The following TRAF3IP2 variants were observed in gnomAD, a reference collection of about 807,000 sequenced individuals.
TRAF3IP2 encodes E3 ubiquitin ligase TRAF3IP2.
In TRAF3IP2, 35 loss-of-function variants were observed where a neutral mutation model predicts 57.9. The observed-to-expected ratio is 0.60, with a 90% CI of 0.46 to 0.80. The LOEUF is 0.80. Among genes scored for constraint, TRAF3IP2 ranks in the 30% least tolerant of loss-of-function variants. The pLI is 0.00. For missense variants in TRAF3IP2, 556 were observed against 706.4 expected, an observed-to-expected ratio of 0.79 and a Z score of 2.41; for synonymous variants, 251 against 268.9, an observed-to-expected ratio of 0.93 and a Z score of 0.65.
Position 111,558,059 on chromosome 6 carries a change from A to C in TRAF3IP2, c.*1346T>G, listed in dbSNP as rs1795305982. On this transcript the variant is annotated 3_prime_UTR_variant, in exon 9 of 9. Coordinates refer to ENST00000368761, the MANE Select transcript of TRAF3IP2 (RefSeq NM_147686.4). ...AAGAAGAAAATGTCTCTGTTAAGAAAATGTAAATTTGTCCTCTGAGAGACA... is the reference window on the plus strand; with the variant it reads ...AAGAAGAAAATGTCTCTGTTAAGAACATGTAAATTTGTCCTCTGAGAGACA... 6.6e-6 allele frequency: 1 copy of C among 152,124 alleles called. No homozygotes were observed. Among genetic ancestry groups the C allele is most frequent in the Non-Finnish European group, 1.5e-5 (1 of 68,024 alleles). The allele number at this position is 152,124 out of a possible 1,614,324, so 9.4% of individuals were successfully genotyped here.
intron 1 of TRAF3IP2, among the ~76,000 whole-genome samples, chr6:111,595,875 A>G (rs1321042591): frequency 6.6e-6 from 1 of 152,030 alleles, no homozygotes; most frequent in Non-Finnish European, 1.5e-5. Flanking sequence ...AATCACAGTA[A>G]TTTCTGAAGA....
intron 1 of TRAF3IP2, chr6:111,601,326 T>C (rs1472804949): frequency 1.6e-6 from 1 of 625,070 alleles, no homozygotes; most frequent in Non-Finnish European, 3.0e-6. Flanking sequence ...CATCTTGATT[T>C]GAGAAAAGCA....
At chr6:111,572,694 C>T (rs769311649) in intron 5 of TRAF3IP2, 13 of 575,530 alleles carry the variant, frequency 2.3e-5, no homozygotes, top group Non-Finnish European at 3.7e-5. Context: ...AAACAGCATA[C>T]AGGAAAAAAA....
chr6:111,597,569 T>C (rs1365647643), intron 1 of TRAF3IP2, among the ~76,000 whole-genome samples: 1 of 152,254 alleles, frequency 6.6e-6, no homozygotes, highest in Non-Finnish European at 1.5e-5. Flanking sequence ...ATGGCAGTTT[T>C]ATCTGTTTTG....
intron 3 of TRAF3IP2, chr6:111,576,368 C>T (rs1795986469): frequency 6.6e-6 from 1 of 152,410 alleles, no homozygotes; most frequent in African/African-American, 2.4e-5. Flanking sequence ...CCAGTATTCC[C>T]ACGAGCATTC....
At chr6:111,579,148 G>A (rs1298390677) in intron 3 of TRAF3IP2, among the ~76,000 whole-genome samples, 3 of 150,718 alleles carry the variant, frequency 2.0e-5, no homozygotes, top group African/African-American at 5.0e-5. Flanking sequence ...GGCCTATATG[G>A]TGAAACCCCG....
chr6:111,591,888 G>C lies in TRAF3IP2; in HGVS notation c.199C>G (p.Leu67Val), dbSNP rs1562433804. The change falls in exon 2 of 9, where the codon CTG becomes GTG. Residue 67 changes from leucine to valine, a missense_variant. Physicochemically the swap from Leu to Val is conservative, Grantham distance 32 (BLOSUM62 1). Around this residue, in one of 2 missense-constraint regions of TRAF3IP2, gnomAD observed 428 missense variants for 498.7 expected, o/e 0.86. Transcript: ENST00000368761. The surrounding 1 kb of genome is among the most constrained non-coding windows in gnomAD (Gnocchi z 4.9). ...GGCCGCTGGTGATTTGCAAGTTTCA[G>C]GGTTGAGTGAGCTTGAGAAAAGTCT... ...SGDFSQAHST[L>V]KLANHQRPVS... 3.1e-6 allele frequency: 5 copies of C among 1,614,110 alleles called. No individual in the cohort carries two copies. Among genetic ancestry groups the C allele is most frequent in the Middle Eastern group, 3.3e-4 (2 of 6,084 alleles).
At chr6:111,565,023 C>T (rs979844546) in intron 7 of TRAF3IP2, among the ~76,000 whole-genome samples, 1 of 152,302 alleles carries the variant, frequency 6.6e-6, no homozygotes, top group Middle Eastern at 3.4e-3. Context: ...CTTTCCGGGG[C>T]ACTGTACAAG....
chr6:111,582,153 TTTGGGTGACCTGGC>T (rs1304090225), intron 2 of TRAF3IP2, among the ~76,000 whole-genome samples: 1 of 152,140 alleles, frequency 6.6e-6, no homozygotes, highest in Non-Finnish European at 1.5e-5. Context: ...CAGGAAACTG[TTTGGGTGACCTGGC>T]GATGTGCCCA....
Position 111,567,365 on chromosome 6 carries a change from G to A in TRAF3IP2, c.1359+259C>T, listed in dbSNP as rs528401416. The A allele has an allele frequency of 8.0e-5, 97 of 1,212,638 alleles. No homozygotes were observed. The South Asian group carries it at 1.3e-3, about 16-fold the overall frequency. The allele number at this position is 1,212,638 out of a possible 1,614,324, so 75.1% of individuals were successfully genotyped here. ...CTTCATTTCCTTCTTTCCTATTCTC[G>A]TCAAAAGATTGTTTCCTCTGATTGT... is the stretch of plus-strand genomic sequence containing the variant. On this transcript the variant is annotated intron_variant, in intron 6 of 8. Transcript: ENST00000368761.
chr6:111,597,820 T>C (rs988784089), intron 1 of TRAF3IP2: 1 of 455,850 alleles, frequency 2.2e-6, no homozygotes, highest in African/African-American at 2.0e-5. Flanking sequence ...TTTTTCTGTT[T>C]TTCCTTTTTT....
chr6:111,559,581 G>A, intron 8 of TRAF3IP2, 30 bp from the exon 9 acceptor site: 4 of 1,605,574 alleles, frequency 2.5e-6, no homozygotes, highest in Non-Finnish European at 3.4e-6. Context: ...AGGAGCAAAG[G>A]TCATTAGAGA....
intron 5 of TRAF3IP2, among the ~76,000 whole-genome samples, chr6:111,569,007 A>C (rs1795743511): frequency 3.9e-5 from 6 of 152,202 alleles, no homozygotes; most frequent in Admixed American, 3.9e-4. Context: ...ACCTGATGCT[A>C]AGCCTCCTAC....
intron 1 of TRAF3IP2, among the ~76,000 whole-genome samples, chr6:111,603,869 AT>A (rs1796948533): frequency 6.6e-6 from 1 of 152,222 alleles, no homozygotes; most frequent in Admixed American, 6.5e-5. Context: ...TACATTATCC[AT>A]CTTTTGATGC....
chr6:111,564,842 G>A lies in TRAF3IP2; in HGVS notation c.1476+1602C>T, dbSNP rs577288944. The stretch of plus-strand genomic sequence containing the variant: ...TTCCTTAGGAACTGGCTGAGGCCTC[G>A]AGCCCTTCCCACGCACCAGCTGTCA... On this transcript the variant is annotated intron_variant, in intron 7 of 8. Coordinates refer to ENST00000368761, the MANE Select transcript of TRAF3IP2 (RefSeq NM_147686.4). 3.9e-5 allele frequency among the ~76,000 whole-genome samples: 6 copies of A among 152,272 alleles called. No homozygotes were observed. The South Asian group carries it at 8.3e-4, about 21-fold the overall frequency.
chr6:111,604,006 G>A (rs1380597473), intron 1 of TRAF3IP2, among the ~76,000 whole-genome samples: 2 of 152,180 alleles, frequency 1.3e-5, no homozygotes, highest in Admixed American at 6.5e-5. Flanking sequence ...ATGGTGCATC[G>A]TTGTTTGAAA....
intron 6 of TRAF3IP2, chr6:111,567,058 G>C (rs890629111): frequency 3.3e-5 from 14 of 424,622 alleles, no homozygotes; most frequent in Middle Eastern, 1.1e-3. Flanking sequence ...ACCCCAGCCT[G>C]CTGAGACTCC....
intron 1 of TRAF3IP2, among the ~76,000 whole-genome samples, chr6:111,602,572 T>C (rs1796908412): frequency 6.6e-6 from 1 of 152,132 alleles, no homozygotes; most frequent in Admixed American, 6.5e-5. Context: ...GAGACACTTA[T>C]TTACTTGTAA....
chr6:111,580,440 C>G lies in TRAF3IP2; in HGVS notation c.830-51G>C, dbSNP rs933235208. 4 of 1,480,776 alleles carry G rather than the reference C, an allele frequency of 2.7e-6. No individual in the cohort carries two copies. In the South Asian group the frequency reaches 5.6e-5, roughly 21 times the overall value. The allele number at this position is 1,480,776 out of a possible 1,614,324, so 91.7% of individuals were successfully genotyped here. A position where few individuals can be genotyped will look rare whatever the true frequency, so the allele number is the denominator to read the frequency against. On this transcript the variant is annotated intron_variant, in intron 2 of 8. Coordinates refer to ENST00000368761, the MANE Select transcript of TRAF3IP2 (RefSeq NM_147686.4). ...CAGGGAACATCAACTCTAGCTCCTTCGTGTGAAAGGAGTCATAAGCTCCAT... is the reference window on the plus strand; with the variant it reads ...CAGGGAACATCAACTCTAGCTCCTTGGTGTGAAAGGAGTCATAAGCTCCAT...
Sources: gnomAD v4.1 joint callset for allele counts (sites outside exome capture counted in the v4.1 genomes callset) on GRCh38, gnomAD v4.1.1 for gene constraint, gnomAD v4.1.1 regional missense constraint, Gnocchi (gnomAD v3.1) non-coding constraint, MANE v1.5 for transcripts, NCBI Gene and HGNC (gene_info 2026-07-23, HGNC 2026-07-21) for gene names.